Variants in FRRS1L observed in about 807,000 individuals in gnomAD.
FRRS1L encodes DOMON domain-containing protein FRRS1L.
Under a neutral mutation model 28.6 loss-of-function variants are expected in FRRS1L, and 22 were observed. The observed-to-expected ratio is 0.77, with a 90% CI of 0.55 to 1.10. The LOEUF is 1.10. Ranked by LOEUF, FRRS1L falls within the 50% of genes least tolerant of loss-of-function variation. The pLI is 0.00. For synonymous variants in FRRS1L, 158 were observed against 151.4 expected (o/e 1.04, Z -0.32); for missense variants, 380 against 386.9 (o/e 0.98, Z 0.15).
intron 2 of FRRS1L, chr9:109,147,965 AT>A (rs147666904): frequency 0.16 from 23,184 of 149,292 alleles, 1,985 homozygotes; most frequent in African/African-American, 0.19. Context: ...TTTATTTACA[AT>A]TTTTTTTTCT....
At position 109,167,205 on chromosome 9, in the gene FRRS1L, G is replaced by C. The variant is rs1342022093; in HGVS notation, c.-67C>G. ...CGGGGGCGCCGCGGGCGCGGGCCGG[G>C]ACTGAGCCTCCGCCGAGGCCACCAG... On this transcript the variant is annotated 5_prime_UTR_variant, in exon 1 of 5. Coordinates refer to ENST00000561981, the MANE Select transcript of FRRS1L (RefSeq NM_014334.4). 6.2e-6 allele frequency: 8 copies of C among 1,298,784 alleles called. No homozygotes were observed. The highest frequency in any genetic ancestry group is 7.8e-6 in the Non-Finnish European group (8 of 1,019,944). 80.5% of individuals were successfully genotyped at this position (1,298,784 alleles called of 1,614,324 possible).
At position 109,150,161 on chromosome 9, in the gene FRRS1L, T is replaced by C. The variant is rs374504608; in HGVS notation, c.239-441A>G. On this transcript the variant is annotated intron_variant, in intron 1 of 4. Transcript: ENST00000561981. ...AGGATTTTTCCATTCCATTTTCAAC[T>C]TCCATTTTGCGTTAACCTGTAGGTA... 2.6e-5 allele frequency: 4 copies of C among 153,122 alleles called. No homozygotes were observed. In the South Asian group the frequency reaches 6.2e-4, roughly 24 times the overall value. The allele number at this position is 153,122 out of a possible 1,614,324, so 9.5% of individuals were successfully genotyped here.
intron 3 of FRRS1L, among the ~76,000 whole-genome samples, chr9:109,142,686 G>A (rs773547987): frequency 1.6e-4 from 24 of 152,108 alleles, no homozygotes; most frequent in Non-Finnish European, 2.9e-4. Context: ...TGGGGCTCAT[G>A]CCTGTAGTCC....
chr9:109,163,606 C>G (rs1831505527), intron 1 of FRRS1L, among the ~76,000 whole-genome samples: 1 of 152,178 alleles, frequency 6.6e-6, no homozygotes. Flanking sequence ...GAAATAGTCT[C>G]TGGGTAGGGT....
intron 2 of FRRS1L, 55 bp from the exon 3 acceptor site, chr9:109,147,244 A>C: frequency 1.4e-6 from 2 of 1,420,618 alleles, no homozygotes; most frequent in Non-Finnish European, 2.0e-6. Context: ...AAAGACATTA[A>C]GAGAGCATCT....
intron 1 of FRRS1L, among the ~76,000 whole-genome samples, chr9:109,161,410 C>T (rs1313083038): frequency 6.6e-6 from 1 of 151,890 alleles, no homozygotes; most frequent in Non-Finnish European, 1.5e-5. Flanking sequence ...CTTTTCTTTC[C>T]TTCTGCTGAC....
chr9:109,164,188 C>T (rs866320228), intron 1 of FRRS1L, among the ~76,000 whole-genome samples: 1 of 152,102 alleles, frequency 6.6e-6, no homozygotes. Flanking sequence ...GATAGCCCCA[C>T]GCCACTTACA....
intron 3 of FRRS1L, 56 bp downstream of exon 3, chr9:109,146,995 A>C (rs924969199): frequency 6.5e-7 from 1 of 1,528,588 alleles, no homozygotes; most frequent in South Asian, 1.1e-5. Flanking sequence ...CTAAAATCAA[A>C]ATAGCACAGC....
chr9:109,151,443 C>CTCATAGGAGTGCAGTCCCT (rs1439112521), intron 1 of FRRS1L: 74 of 153,748 alleles, frequency 4.8e-4, no homozygotes, highest in African/African-American at 1.7e-3. Flanking sequence ...GCATTAGATT[C>CTCATAGGAGTGCAGTCCCT]TCATAGGAGT....
In FRRS1L at chr9:109,131,215, C is replaced by T. The variant is rs1391774213; in HGVS notation, c.*6240G>A. On this transcript the variant is annotated 3_prime_UTR_variant, in exon 5 of 5. Transcript: ENST00000561981. ...TTGCATCAACATGCCAGTTACTCAG[C>T]TAACACTAGTCTTGGTTTCTTAACT... is the stretch of plus-strand genomic sequence containing the variant. The T allele has an allele frequency of 6.6e-6, 1 of 152,208 alleles. No individual in the cohort carries two copies. The highest frequency in any genetic ancestry group is 1.5e-5 in the Non-Finnish European group (1 of 68,042). The allele number at this position is 152,208 out of a possible 1,614,324, so 9.4% of individuals were successfully genotyped here. A position where few individuals can be genotyped will look rare whatever the true frequency, so the allele number is the denominator to read the frequency against.
In FRRS1L at chr9:109,165,730, G is replaced by A. The variant is rs183186938; in HGVS notation, c.238+1171C>T. Among the ~76,000 whole-genome samples the A allele has an allele frequency of 2.7e-4, 41 of 152,286 alleles. No homozygotes were observed. In the East Asian group the frequency reaches 4.2e-3, roughly 16 times the overall value. On this transcript the variant is annotated intron_variant, in intron 1 of 4. Transcript: ENST00000561981. Reference sequence around the variant, plus strand: ...ACCATATGATTAAGTTGTGGCCAAAGAAGTATAAAAATTGTTATATGAAAC... The same window carrying A: ...ACCATATGATTAAGTTGTGGCCAAAAAAGTATAAAAATTGTTATATGAAAC...
At chr9:109,157,037 T>C (rs982693752) in intron 1 of FRRS1L, among the ~76,000 whole-genome samples, 3 of 152,234 alleles carry the variant, frequency 2.0e-5, no homozygotes, top group Admixed American at 6.5e-5. Context: ...AGCTCTCTTT[T>C]AGATTCACGC....
rs981467659 is a variant in FRRS1L, at chr9:109,167,198, G to C, written c.-60C>G. ...GCCGCAGCGGGGGCGCCGCGGGCGC[G>C]GGCCGGGACTGAGCCTCCGCCGAGG... On this transcript the variant is annotated 5_prime_UTR_variant, in exon 1 of 5. Transcript: ENST00000561981. 3.4e-6 allele frequency: 4 copies of C among 1,178,110 alleles called. No homozygotes were observed. The African/African-American group carries it at 6.5e-5, about 19-fold the overall frequency. The allele number at this position is 1,178,110 out of a possible 1,614,324, so 73.0% of individuals were successfully genotyped here.
At chr9:109,157,209 A>G (rs899801830) in intron 1 of FRRS1L, among the ~76,000 whole-genome samples, 1 of 152,192 alleles carries the variant, frequency 6.6e-6, no homozygotes, top group Non-Finnish European at 1.5e-5. Context: ...CAGCATTGTA[A>G]TCAGAAGACA....
At chr9:109,155,922 A>C (rs893924871) in intron 1 of FRRS1L, among the ~76,000 whole-genome samples, 2 of 152,144 alleles carry the variant, frequency 1.3e-5, no homozygotes, top group African/African-American at 4.8e-5. Flanking sequence ...GCACATTTTA[A>C]TTGGGTGAAT....
chr9:109,146,890 C>G (rs1831268638), intron 3 of FRRS1L, among the ~76,000 whole-genome samples, 161 bp downstream of exon 3: 1 of 152,164 alleles, frequency 6.6e-6, no homozygotes, highest in Admixed American at 6.5e-5. Flanking sequence ...GATAGCCAAC[C>G]CTTTCATTTA....
chr9:109,137,445 G>T lies in FRRS1L; in HGVS notation c.*10C>A. The T allele has an allele frequency of 6.5e-7, 1 of 1,537,018 alleles. No homozygotes were observed. The highest frequency in any genetic ancestry group is 8.8e-7 in the Non-Finnish European group (1 of 1,134,538). The stretch of plus-strand genomic sequence containing the variant: ...CCAATCCATGTAATCTGTTGGCCCT[G>T]CAGCTGTGGTTAGGGGGTTCCCATC... On this transcript the variant is annotated 3_prime_UTR_variant, in exon 5 of 5. Transcript: ENST00000561981.
intron 2 of FRRS1L, 126 bp downstream of exon 2, chr9:109,149,510 A>G: frequency 1.6e-6 from 1 of 633,686 alleles, no homozygotes; most frequent in Admixed American, 3.0e-5. Context: ...GAAACTTCAT[A>G]ACCCTGCTGA....
intron 3 of FRRS1L, among the ~76,000 whole-genome samples, chr9:109,145,241 T>C (rs1003586156): frequency 3.9e-5 from 6 of 152,222 alleles, no homozygotes; most frequent in Non-Finnish European, 7.3e-5. Context: ...GGGCCAGTGA[T>C]GACAGCTGCC....
Sources: allele counts gnomAD v4.1 joint callset (sites outside exome capture counted in the v4.1 genomes callset), GRCh38; gene constraint gnomAD v4.1.1; transcripts MANE v1.5; gene names NCBI Gene and HGNC (gene_info 2026-07-23, HGNC 2026-07-21).